The following UBE2E2 variants were observed in gnomAD, a reference collection of about 807,000 sequenced individuals.
UBE2E2 encodes the protein ubiquitin conjugating enzyme E2 E2.
Under a neutral mutation model 24.7 loss-of-function variants are expected in UBE2E2, and 6 were observed. The ratio of observed to expected loss-of-function variants is 0.24; its 90% CI spans 0.13 to 0.48. The LOEUF is 0.48. UBE2E2 is among the 20% of genes least tolerant of loss of function. The pLI, the probability that UBE2E2 is intolerant of heterozygous loss-of-function variation, is 0.99. For missense variants in UBE2E2, 169 were observed against 245.0 expected, an observed-to-expected ratio of 0.69 and a Z score of 2.07; for synonymous variants, 104 against 83.6, an observed-to-expected ratio of 1.24 and a Z score of -1.33.
At chr3:23,457,810 T>A (rs142978169) in intron 3 of UBE2E2, among the ~76,000 whole-genome samples, 1 of 152,358 alleles carries the variant, frequency 6.6e-6, no homozygotes, top group African/African-American at 2.4e-5. Context: ...CCTCTATAGC[T>A]TCCAGCTTTT....
intron 3 of UBE2E2, among the ~76,000 whole-genome samples, chr3:23,306,256 C>G (rs1426924337): frequency 1.3e-5 from 2 of 152,200 alleles, no homozygotes; most frequent in Non-Finnish European, 2.9e-5. Context: ...ATTTGACTGT[C>G]TGTGTCTCAG....
At chr3:23,463,682 A>C (rs1423374858) in intron 3 of UBE2E2, among the ~76,000 whole-genome samples, 1 of 152,174 alleles carries the variant, frequency 6.6e-6, no homozygotes. Context: ...GGCTTTTTAA[A>C]AATAGTACAT....
chr3:23,379,466 T>G (rs1464468766), intron 3 of UBE2E2, among the ~76,000 whole-genome samples: 1 of 143,498 alleles, frequency 7.0e-6, no homozygotes, highest in Non-Finnish European at 1.5e-5. Flanking sequence ...CATTGTTCAA[T>G]TCCCACCTAT....
At chr3:23,308,167 A>G (rs2125273265) in intron 3 of UBE2E2, among the ~76,000 whole-genome samples, 2 of 152,342 alleles carry the variant, frequency 1.3e-5, no homozygotes, top group South Asian at 4.1e-4. Flanking sequence ...TAAGAAGAAC[A>G]AAATGCAAAA....
chr3:23,261,039 G>A (rs1418675379), intron 3 of UBE2E2, among the ~76,000 whole-genome samples: 1 of 152,122 alleles, frequency 6.6e-6, no homozygotes, highest in Admixed American at 6.5e-5. Flanking sequence ...GGAGGCCAAG[G>A]TTGCAATGAG....
intron 5 of UBE2E2, among the ~76,000 whole-genome samples, chr3:23,533,619 A>ATTATTT (rs1695179819): frequency 9.2e-6 from 1 of 108,508 alleles, no homozygotes; most frequent in Non-Finnish European, 1.8e-5. Flanking sequence ...GCAAATTAGT[A>ATTATTT]TTTTTTTTTT....
intron 3 of UBE2E2, among the ~76,000 whole-genome samples, chr3:23,484,029 T>C (rs1001669025): frequency 6.6e-6 from 1 of 152,204 alleles, no homozygotes; most frequent in African/African-American, 2.4e-5. Context: ...GCAACAAATT[T>C]GAATATCACG....
At chr3:23,348,795 G>A (rs1291969750) in intron 3 of UBE2E2, among the ~76,000 whole-genome samples, 1 of 148,086 alleles carries the variant, frequency 6.8e-6, no homozygotes, top group African/African-American at 2.5e-5. Context: ...CTGTTGCTAG[G>A]GTTTCTCTGG....
At position 23,514,512 on chromosome 3, in the gene UBE2E2, C is replaced by T. The variant is rs577825862; in HGVS notation, c.360+14772C>T. ...TCTAATCATATCTAATTCTTATACC[C>T]AGAAGGCAGGGCCTTGCTTTTCCCT... On this transcript the variant is annotated intron_variant, in intron 4 of 5. Coordinates refer to ENST00000396703, the MANE Select transcript of UBE2E2 (RefSeq NM_152653.4). 4.6e-5 allele frequency among the ~76,000 whole-genome samples: 7 copies of T among 152,112 alleles called. No individual in the cohort carries two copies. In the East Asian group the frequency reaches 5.8e-4, roughly 13 times the overall value.
chr3:23,296,339 A>C (rs976360676), intron 3 of UBE2E2, among the ~76,000 whole-genome samples: 3 of 151,670 alleles, frequency 2.0e-5, no homozygotes, highest in African/African-American at 7.3e-5. Flanking sequence ...TTGTATGTTA[A>C]GTTTTAGGGT....
At chr3:23,289,101 G>A (rs1283499676) in intron 3 of UBE2E2, among the ~76,000 whole-genome samples, 3 of 152,326 alleles carry the variant, frequency 2.0e-5, no homozygotes, top group Non-Finnish European at 4.4e-5. Flanking sequence ...TTCCTGCAGG[G>A]AGGACAATTG....
intron 3 of UBE2E2, among the ~76,000 whole-genome samples, chr3:23,350,140 C>G (rs1304971966): frequency 6.6e-6 from 1 of 152,212 alleles, no homozygotes; most frequent in East Asian, 1.9e-4. Context: ...TGGAGTGGAC[C>G]TCTAGCAAAC....
At chr3:23,357,670 A>G (rs1695997188) in intron 3 of UBE2E2, among the ~76,000 whole-genome samples, 1 of 152,134 alleles carries the variant, frequency 6.6e-6, no homozygotes, top group Non-Finnish European at 1.5e-5. Context: ...AACAGTAAAT[A>G]TATTGAATGG....
At chr3:23,292,542 C>A (rs2125249880) in intron 3 of UBE2E2, among the ~76,000 whole-genome samples, 1 of 152,280 alleles carries the variant, frequency 6.6e-6, no homozygotes, top group African/African-American at 2.4e-5. Flanking sequence ...GAGCCCCACT[C>A]ACTTGTCTCC....
chr3:23,258,749 C>T (rs1408635730), intron 3 of UBE2E2, among the ~76,000 whole-genome samples: 7 of 151,506 alleles, frequency 4.6e-5, no homozygotes, highest in East Asian at 1.9e-4. Context: ...AAAAATTAGC[C>T]GGGCGTGGTG....
chr3:23,571,280 C>CATTTTTTTTTTTTTTTT (rs1696216914), intron 5 of UBE2E2, among the ~76,000 whole-genome samples: 1 of 29,866 alleles, frequency 3.3e-5, no homozygotes, highest in African/African-American at 1.0e-4. Context: ...GTGCTCCTTT[C>CATTTTTTTTTTTTTTTT]TTTTTTTTTT....
intron 5 of UBE2E2, among the ~76,000 whole-genome samples, chr3:23,577,077 A>T (rs1307006896): frequency 6.6e-6 from 1 of 152,072 alleles, no homozygotes; most frequent in Admixed American, 6.6e-5. Context: ...GTGATCTGTG[A>T]TCAGTGATCT....
intron 5 of UBE2E2, among the ~76,000 whole-genome samples, chr3:23,543,241 A>G (rs1381644403): frequency 6.6e-6 from 1 of 152,226 alleles, no homozygotes; most frequent in Non-Finnish European, 1.5e-5. Context: ...AATAAAGGGC[A>G]TCCAAACTGG....
At chr3:23,447,046 A>G (rs1371722386) in intron 3 of UBE2E2, among the ~76,000 whole-genome samples, 6 of 152,086 alleles carry the variant, frequency 3.9e-5, no homozygotes, top group African/African-American at 1.2e-4. Context: ...TGCTTTCCTT[A>G]GGTATTATCT....
Sources: allele counts gnomAD v4.1 joint callset (sites outside exome capture counted in the v4.1 genomes callset), GRCh38; gene constraint gnomAD v4.1.1; transcripts MANE v1.5; gene names NCBI Gene and HGNC (gene_info 2026-07-23, HGNC 2026-07-21).